Variants in CLVS1 observed in about 807,000 individuals in gnomAD.
CLVS1 encodes the protein clavesin 1.
In CLVS1, 10 loss-of-function variants were observed where a neutral mutation model predicts 33.1. The observed-to-expected ratio is 0.30, with a 90% CI of 0.19 to 0.51. CLVS1 has a LOEUF of 0.51. Among genes scored for constraint, CLVS1 ranks in the 20% least tolerant of loss-of-function variants. The probability of loss-of-function intolerance (pLI) is 0.97; values close to 1 mark genes in which losing one functional copy is unlikely to be tolerated. For missense variants in CLVS1, 343 were observed against 433.4 expected (o/e 0.79, Z 1.85); for synonymous variants, 163 against 166.1 (o/e 0.98, Z 0.14).
chr8:61,404,191 G>C (rs536968279), intron 3 of CLVS1, among the ~76,000 whole-genome samples: 1 of 152,296 alleles, frequency 6.6e-6, no homozygotes, highest in South Asian at 2.1e-4. Context: ...CAATTGGTCA[G>C]CTTGGAGCTT....
chr8:61,224,181 C>T (rs950581476), intron 2 of CLVS1, among the ~76,000 whole-genome samples: 2 of 152,216 alleles, frequency 1.3e-5, no homozygotes, highest in Middle Eastern at 3.4e-3. Flanking sequence ...ATTCATCTAT[C>T]TCCTCCTCCG....
chr8:61,438,716 C>T (rs1403807859), intron 3 of CLVS1, among the ~76,000 whole-genome samples: 1 of 152,140 alleles, frequency 6.6e-6, no homozygotes, highest in Non-Finnish European at 1.5e-5. Context: ...TTAAGAATTG[C>T]CATTCTGACT....
chr8:61,451,943 A>G (rs1426164807), intron 3 of CLVS1, among the ~76,000 whole-genome samples: 2 of 152,124 alleles, frequency 1.3e-5, no homozygotes, highest in Non-Finnish European at 2.9e-5. Flanking sequence ...CTTGTATAGG[A>G]AGTACCTGAA....
At chr8:61,143,697 A>ATTTT (rs1806356375) in intron 2 of CLVS1, among the ~76,000 whole-genome samples, 1 of 150,454 alleles carries the variant, frequency 6.6e-6, no homozygotes, top group Admixed American at 6.6e-5. Context: ...ATTTTACAAT[A>ATTTT]AATTACTCTA....
chr8:61,465,919 T>G (rs577362004), intron 5 of CLVS1: 1 of 152,252 alleles, frequency 6.6e-6, no homozygotes, highest in Non-Finnish European at 1.5e-5. Context: ...TGCCACAGTC[T>G]CCCAAAGTGC....
intron 5 of CLVS1, chr8:61,465,332 G>A (rs1218320972): frequency 1.3e-5 from 2 of 152,164 alleles, no homozygotes; most frequent in African/African-American, 4.8e-5. Context: ...TTTGGGCACA[G>A]ATGGCCACTG....
chr8:61,495,456 T>C (rs904467336), intron 5 of CLVS1, among the ~76,000 whole-genome samples: 2 of 152,204 alleles, frequency 1.3e-5, no homozygotes, highest in Non-Finnish European at 2.9e-5. Flanking sequence ...GAATTTGATT[T>C]TCTTTTCATA....
intron 2 of CLVS1, among the ~76,000 whole-genome samples, chr8:61,254,377 T>TC (rs1809025337): frequency 6.6e-6 from 1 of 152,198 alleles, no homozygotes; most frequent in Non-Finnish European, 1.5e-5. Flanking sequence ...AGGGACCCAC[T>TC]TGAGGAGGCA....
chr8:61,112,926 C>T (rs1279812685), intron 1 of CLVS1, among the ~76,000 whole-genome samples: 1 of 152,134 alleles, frequency 6.6e-6, no homozygotes, highest in Non-Finnish European at 1.5e-5. Flanking sequence ...AAGCTCTGAA[C>T]ACATGTGGAA....
At chr8:61,312,059 C>T (rs1344566881) in intron 2 of CLVS1, among the ~76,000 whole-genome samples, 1 of 152,214 alleles carries the variant, frequency 6.6e-6, no homozygotes, top group African/African-American at 2.4e-5. Context: ...TTTTCTTGCA[C>T]TGAAGCTCTT....
chr8:61,049,449 G>A, the CLVS1 span, among the ~76,000 whole-genome samples: 13 of 152,160 alleles, frequency 8.5e-5, no homozygotes, highest in Non-Finnish European at 1.3e-4. Context: ...TGCATTTAGG[G>A]TGTTTGTTCC....
chr8:61,353,696 CAAAAT>C (rs1812568034), intron 2 of CLVS1, among the ~76,000 whole-genome samples: 3 of 143,210 alleles, frequency 2.1e-5, no homozygotes, highest in East Asian at 2.0e-4. Context: ...AAGAATGAAA[CAAAAT>C]AAACCCAAAG....
intron 2 of CLVS1, among the ~76,000 whole-genome samples, chr8:61,261,167 A>G (rs1430009191): frequency 6.6e-6 from 1 of 152,178 alleles, no homozygotes; most frequent in Admixed American, 6.5e-5. Flanking sequence ...ACTGCTTCCC[A>G]TAAGTGGCTA....
intron 5 of CLVS1, among the ~76,000 whole-genome samples, chr8:61,462,126 A>C (rs1016664493): frequency 6.6e-6 from 1 of 152,160 alleles, no homozygotes; most frequent in South Asian, 2.1e-4. Flanking sequence ...TCAGAGGAAA[A>C]CTGGCTCTAT....
chr8:61,375,666 C>T (rs1450863444), intron 2 of CLVS1, among the ~76,000 whole-genome samples: 1 of 152,138 alleles, frequency 6.6e-6, no homozygotes, highest in Non-Finnish European at 1.5e-5. Flanking sequence ...GAGGACTTGG[C>T]TTCTGATTTT....
chr8:61,094,034 C>T lies in CLVS1; in HGVS notation c.-243+36804C>T, dbSNP rs1019591028. Among the ~76,000 whole-genome samples, 36 of 152,226 alleles carry T rather than the reference C, an allele frequency of 2.4e-4. 1 individual carries two copies. The highest frequency in any genetic ancestry group is 2.4e-3 in the Admixed American group (36 of 15,284). ...CTGCCCCATCACCAGCTCCGTGAGC[C>T]TCGGGCTCACTGTGCACAGCCAGGC... On this transcript the variant is annotated intron_variant, in intron 1 of 2. Coordinates refer to the CLVS1 transcript ENST00000522621.
chr8:61,263,709 C>G (rs950211885), intron 2 of CLVS1, among the ~76,000 whole-genome samples: 1 of 152,142 alleles, frequency 6.6e-6, no homozygotes, highest in African/African-American at 2.4e-5. Flanking sequence ...GAATTGGTAT[C>G]ACAAGATATG....
At position 61,059,968 on chromosome 8, in the gene CLVS1, C is replaced by T. The variant is rs555270836; in HGVS notation, c.-243+2738C>T. On this transcript the variant is annotated intron_variant, in intron 1 of 2. Coordinates refer to the CLVS1 transcript ENST00000522621. Reference sequence around the variant, plus strand: ...TCCTTGAAATAGTGTGTGTGCTTCTCTAACCTCTCTTTCATGCCCTCAAGT... The same window carrying T: ...TCCTTGAAATAGTGTGTGTGCTTCTTTAACCTCTCTTTCATGCCCTCAAGT... Among the ~76,000 whole-genome samples the T allele has an allele frequency of 5.9e-5, 9 of 152,176 alleles. No individual in the cohort carries two copies. In the South Asian group the frequency reaches 1.9e-3, roughly 32 times the overall value.
chr8:61,326,181 A>T (rs1811378025), intron 2 of CLVS1, among the ~76,000 whole-genome samples: 1 of 152,208 alleles, frequency 6.6e-6, no homozygotes, highest in Non-Finnish European at 1.5e-5. Context: ...AGTCTTTGTT[A>T]CAACAAAGGT....
Sources: allele counts gnomAD v4.1 joint callset (sites outside exome capture counted in the v4.1 genomes callset), GRCh38; gene constraint gnomAD v4.1.1; transcripts MANE v1.5; gene names NCBI Gene and HGNC (gene_info 2026-07-23, HGNC 2026-07-21).